Variants in EPSTI1 observed in about 807,000 individuals in gnomAD.
EPSTI1 encodes the protein epithelial-stromal interaction protein 1.
EPSTI1 carries 66 observed loss-of-function variants against 49.9 expected under a neutral mutation model. That is an observed-to-expected ratio of 1.32 (90% CI 1.08 to 1.62). The LOEUF (loss-of-function observed/expected upper bound fraction) is 1.62. EPSTI1 is among the 40% of genes most tolerant of loss of function. The probability of loss-of-function intolerance (pLI) is 0.00; values close to 1 mark genes in which losing one functional copy is unlikely to be tolerated. For missense variants in EPSTI1, 394 were observed against 365.5 expected (o/e 1.08, Z -0.64); for synonymous variants, 137 against 130.7 (o/e 1.05, Z -0.33).
At chr13:42,938,157 G>A (rs894420042) in intron 6 of EPSTI1, among the ~76,000 whole-genome samples, 4 of 151,576 alleles carry the variant, frequency 2.6e-5, no homozygotes, top group African/African-American at 9.7e-5. Context: ...TATCCTAATA[G>A]GTATTAGAAC....
At chr13:42,963,976 G>A in intron 4 of EPSTI1, 90 bp downstream of exon 4, 4 of 1,153,290 alleles carry the variant, frequency 3.5e-6, no homozygotes, top group Non-Finnish European at 4.9e-6. Context: ...TTATACTTTT[G>A]GTAAAGTTAC....
chr13:42,978,828 C>G (rs1376307750), intron 1 of EPSTI1, among the ~76,000 whole-genome samples: 1 of 152,154 alleles, frequency 6.6e-6, no homozygotes, highest in East Asian at 1.9e-4. Context: ...AGCCCTGAAT[C>G]ACTAGGACAT....
chr13:42,979,050 A>G (rs1032903000), intron 1 of EPSTI1, among the ~76,000 whole-genome samples: 2 of 152,188 alleles, frequency 1.3e-5, no homozygotes, highest in Non-Finnish European at 2.9e-5. Context: ...AAAAATTAGT[A>G]CATATTTTTT....
rs1380411687 is a variant in EPSTI1 at position 42,922,504 on chromosome 13, G to A, written c.657+3832C>T. Among the ~76,000 whole-genome samples, 2 of 151,958 alleles carry A rather than the reference G, an allele frequency of 1.3e-5. No individual in the cohort carries two copies. Among genetic ancestry groups the A allele is most frequent in the Non-Finnish European group, 2.9e-5 (2 of 68,006 alleles). On this transcript the variant is annotated intron_variant, in intron 7 of 10. Coordinates refer to ENST00000313624, the MANE Select transcript of EPSTI1 (RefSeq NM_033255.5). The surrounding 1 kb of genome is among the most constrained non-coding windows in gnomAD (Gnocchi z 4.8). ...CGGGGACAGGGGACAGATGCCCCCCGGAAGCTTCAAAAGGAACCATTCCTG... is the reference window on the plus strand; with the variant it reads ...CGGGGACAGGGGACAGATGCCCCCCAGAAGCTTCAAAAGGAACCATTCCTG...
At chr13:42,979,599 A>G (rs867660512) in intron 1 of EPSTI1, among the ~76,000 whole-genome samples, 33,356 of 133,236 alleles carry the variant, frequency 0.25, 3,948 homozygotes, top group South Asian at 0.42. Flanking sequence ...AAAAAAAAAA[A>G]AAAGAAAAGA....
At chr13:42,959,745 C>T (rs1271159021) in intron 5 of EPSTI1, among the ~76,000 whole-genome samples, 1 of 152,186 alleles carries the variant, frequency 6.6e-6, no homozygotes, top group Non-Finnish European at 1.5e-5. Context: ...AGATCTTTAG[C>T]TGGTTTCCTG....
At chr13:42,894,008 T>C (rs2037115461) in intron 10 of EPSTI1, among the ~76,000 whole-genome samples, 1 of 152,230 alleles carries the variant, frequency 6.6e-6, no homozygotes, top group South Asian at 2.1e-4. Context: ...GAGCATATAT[T>C]ACGGATAAAT....
At chr13:42,900,814 A>G (rs1256499476) in intron 8 of EPSTI1, among the ~76,000 whole-genome samples, 3 of 152,154 alleles carry the variant, frequency 2.0e-5, no homozygotes, top group Non-Finnish European at 4.4e-5. Context: ...TAAATATTGG[A>G]CTCAATCTTA....
chr13:42,956,676 C>G (rs1336887626), intron 5 of EPSTI1, among the ~76,000 whole-genome samples: 1 of 152,186 alleles, frequency 6.6e-6, no homozygotes, highest in African/African-American at 2.4e-5. Context: ...GAATTGGTCT[C>G]TAATTTGCAC....
At chr13:42,926,458 C>A (rs1359712029) in intron 6 of EPSTI1, 29 bp from the exon 7 acceptor site, 6 of 1,209,074 alleles carry the variant, frequency 5.0e-6, no homozygotes, top group Non-Finnish European at 6.2e-6. Flanking sequence ...GGTGTTAGTG[C>A]CTTCACAAAA....
At chr13:42,893,589 T>C (rs922330254) in intron 10 of EPSTI1, among the ~76,000 whole-genome samples, 1 of 152,202 alleles carries the variant, frequency 6.6e-6, no homozygotes, top group Non-Finnish European at 1.5e-5. Flanking sequence ...CAGAGATTTA[T>C]GGCTCACTAA....
At chr13:42,917,443 A>G (rs1436828059) in intron 8 of EPSTI1, 98 bp downstream of exon 8, 2 of 1,052,620 alleles carry the variant, frequency 1.9e-6, no homozygotes, top group East Asian at 4.8e-5. Flanking sequence ...TGTTTTCAGG[A>G]TTTTCATGTG....
intron 1 of EPSTI1, among the ~76,000 whole-genome samples, chr13:42,989,583 TG>T (rs1566186253): frequency 3.0e-4 from 25 of 82,854 alleles, no homozygotes; most frequent in South Asian, 4.7e-4. Flanking sequence ...TTTTTTTTTT[TG>T]CTTTTTGTTT....
chr13:42,911,264 TGCGCGCGC>T (rs1220301686), intron 8 of EPSTI1, among the ~76,000 whole-genome samples: 6 of 148,448 alleles, frequency 4.0e-5, no homozygotes, highest in African/African-American at 1.5e-4. Context: ...TGTGTGTGTG[TGCGCGCGC>T]ACGCGCGCAC....
In EPSTI1 at chr13:42,969,050, T is replaced by C. The variant is rs370048679; in HGVS notation, c.331+44A>G. 2.8e-4 allele frequency: 454 copies of C among 1,594,328 alleles called. 1 individual carries two copies. The highest frequency in any genetic ancestry group is 3.8e-4 in the Non-Finnish European group (443 of 1,163,250). On this transcript the variant is annotated intron_variant, in intron 3 of 10. Transcript: ENST00000313624. Reference sequence around the variant, plus strand: ...GCAAGCTGCTTACAGGATCCATAGGTGGCCCCGCCCTCCCTCATTCCGGCA... The same window carrying C: ...GCAAGCTGCTTACAGGATCCATAGGCGGCCCCGCCCTCCCTCATTCCGGCA...
intron 6 of EPSTI1, among the ~76,000 whole-genome samples, chr13:42,953,121 C>A (rs1027614003): frequency 1.4e-4 from 21 of 152,180 alleles, no homozygotes; most frequent in Middle Eastern, 6.8e-3. Flanking sequence ...GTTATATGAT[C>A]CTATTCAATA....
intron 1 of EPSTI1, among the ~76,000 whole-genome samples, chr13:42,975,647 T>C (rs2039866458): frequency 6.6e-6 from 1 of 152,170 alleles, no homozygotes; most frequent in African/African-American, 2.4e-5. Flanking sequence ...TTCTTTCAGG[T>C]GGAGGTAATC....
intron 3 of EPSTI1, among the ~76,000 whole-genome samples, chr13:42,965,647 GAGA>G (rs898171877): frequency 1.3e-5 from 2 of 151,746 alleles, no homozygotes; most frequent in Non-Finnish European, 2.9e-5. Context: ...AGATGAGCAG[GAGA>G]AGTTTAATGA....
intron 7 of EPSTI1, among the ~76,000 whole-genome samples, chr13:42,923,236 T>C (rs1415071783): frequency 1.3e-5 from 2 of 152,150 alleles, no homozygotes; most frequent in African/African-American, 2.4e-5. Context: ...CAGGATAAGA[T>C]TTTTTCACAT....
Sources: allele counts gnomAD v4.1 joint callset (sites outside exome capture counted in the v4.1 genomes callset), GRCh38; gene constraint gnomAD v4.1.1; non-coding constraint Gnocchi (gnomAD v3.1); transcripts MANE v1.5; gene names NCBI Gene and HGNC (gene_info 2026-07-23, HGNC 2026-07-21).